The following GFRA1 variants were observed in gnomAD, a reference collection of about 807,000 sequenced individuals.
The protein encoded by GFRA1 is GDNF family receptor alpha-1.
A neutral mutation model predicts 51.6 loss-of-function variants in GFRA1; 16 were observed. That is an observed-to-expected ratio of 0.31 (90% CI 0.21 to 0.47). The LOEUF is 0.47. GFRA1 is among the 20% of genes least tolerant of loss of function. The pLI is 1.00. For missense variants in GFRA1, 530 were observed against 594.3 expected (o/e 0.89, Z 1.13); for synonymous variants, 270 against 241.3 (o/e 1.12, Z -1.10).
chr10:116,156,778 A>G (rs1959211460), intron 5 of GFRA1, among the ~76,000 whole-genome samples: 1 of 152,198 alleles, frequency 6.6e-6, no homozygotes, highest in African/African-American at 2.4e-5. Flanking sequence ...GGAAAACCCA[A>G]TTAGAGATGA....
chr10:116,271,150 G>C (rs1358519777), intron 2 of GFRA1, 35 bp from the exon 3 acceptor site: 1 of 1,568,122 alleles, frequency 6.4e-7, no homozygotes, highest in Non-Finnish European at 8.7e-7. Context: ...TGAGTGCGGC[G>C]GGCGGGGACC....
chr10:116,247,765 C>T (rs2134672925), intron 4 of GFRA1, among the ~76,000 whole-genome samples: 1 of 152,318 alleles, frequency 6.6e-6, no homozygotes, highest in Non-Finnish European at 1.5e-5. Context: ...CCCCTACCCT[C>T]CTCCTATTTA....
At chr10:116,101,702 C>T (rs1228708346) in intron 6 of GFRA1, among the ~76,000 whole-genome samples, 1 of 152,092 alleles carries the variant, frequency 6.6e-6, no homozygotes, top group African/African-American at 2.4e-5. Context: ...CAATTTAACC[C>T]ATCCTGGATT....
chr10:116,118,527 T>C (rs1957518798), intron 6 of GFRA1, among the ~76,000 whole-genome samples: 1 of 152,160 alleles, frequency 6.6e-6, no homozygotes. Context: ...TCTGCTTCAC[T>C]TCCCTGCTCC....
chr10:116,254,942 A>C (rs979791237), intron 4 of GFRA1, among the ~76,000 whole-genome samples: 4 of 152,208 alleles, frequency 2.6e-5, no homozygotes, highest in African/African-American at 9.7e-5. Flanking sequence ...CAGACAAAGA[A>C]GACTGAGATA....
Position 116,236,242 on chromosome 10 carries a change from G to A in GFRA1, c.419-24597C>T, listed in dbSNP as rs768181064. 1.6e-4 allele frequency among the ~76,000 whole-genome samples: 25 copies of A among 152,008 alleles called. 1 individual carries two copies. Among genetic ancestry groups the A allele is most frequent in the African/African-American group, 5.6e-4 (23 of 41,384 alleles). On this transcript the variant is annotated intron_variant, in intron 4 of 10. Transcript: ENST00000355422. Reference sequence around the variant, plus strand: ...GGACCTGCACTCCCTTCCATGCCTCGCCAGCTTTGCTCTGCCCAAATCACT... The same window carrying A: ...GGACCTGCACTCCCTTCCATGCCTCACCAGCTTTGCTCTGCCCAAATCACT...
At chr10:116,245,843 T>C (rs972600551) in intron 4 of GFRA1, among the ~76,000 whole-genome samples, 4 of 152,226 alleles carry the variant, frequency 2.6e-5, no homozygotes, top group African/African-American at 9.7e-5. Flanking sequence ...TGTAGGGTTC[T>C]ATGATTCCAA....
chr10:116,113,046 G>C (rs1394883316), intron 6 of GFRA1, among the ~76,000 whole-genome samples: 2 of 152,170 alleles, frequency 1.3e-5, no homozygotes, highest in East Asian at 3.8e-4. Flanking sequence ...AGGGAACCTC[G>C]TAGGGGGTCA....
chr10:116,152,079 A>C (rs904117991), intron 5 of GFRA1, among the ~76,000 whole-genome samples: 6 of 152,176 alleles, frequency 3.9e-5, no homozygotes, highest in African/African-American at 1.4e-4. Context: ...AGTGGTAGGA[A>C]ACCAGGTGGG....
intron 6 of GFRA1, among the ~76,000 whole-genome samples, chr10:116,103,812 C>T (rs1372111451): frequency 6.6e-6 from 1 of 152,228 alleles, no homozygotes; most frequent in East Asian, 1.9e-4. Context: ...CTCCCTCAGT[C>T]TGCTGTAACA....
intron 5 of GFRA1, among the ~76,000 whole-genome samples, chr10:116,160,036 T>C (rs1049986560): frequency 6.6e-6 from 1 of 152,260 alleles, no homozygotes; most frequent in African/African-American, 2.4e-5. Context: ...ACATTTTTCC[T>C]GGCCAACATA....
At chr10:116,266,121 A>G (rs908475897) in intron 4 of GFRA1, among the ~76,000 whole-genome samples, 1 of 152,194 alleles carries the variant, frequency 6.6e-6, no homozygotes, top group Non-Finnish European at 1.5e-5. Flanking sequence ...GCAAGCAAAC[A>G]ATGGCTAAAG....
intron 4 of GFRA1, among the ~76,000 whole-genome samples, chr10:116,267,118 GCGACAGATCAAGA>G (rs1170599993): frequency 6.6e-6 from 1 of 151,982 alleles, no homozygotes; most frequent in Non-Finnish European, 1.5e-5. Context: ...TCTAGCCTAG[GCGACAGATCAAGA>G]CCCTGTCTCT....
intron 6 of GFRA1, among the ~76,000 whole-genome samples, chr10:116,116,831 G>A (rs1296582397): frequency 1.3e-5 from 2 of 152,176 alleles, no homozygotes; most frequent in Non-Finnish European, 2.9e-5. Flanking sequence ...ACGATGCTAA[G>A]AGGCTCTTAT....
rs750672968 is a variant in GFRA1 at position 116,093,839 on chromosome 10, A to G, written c.881-3T>C. The G allele has an allele frequency of 1.2e-6, 2 of 1,613,980 alleles. No homozygotes were observed. The highest frequency in any genetic ancestry group is 1.7e-6 in the Non-Finnish European group (2 of 1,179,828). ...GTAGTTGGGGGTCATGACTGTGCCT[A>G]AAAGAATAAAAACAAGGCATTTTAT... On this transcript the variant is annotated splice_polypyrimidine_tract_variant and splice_region_variant and intron_variant, in intron 7 of 10. Transcript: ENST00000355422.
chr10:116,068,352 C>T (rs1170176388), intron 9 of GFRA1, among the ~76,000 whole-genome samples: 1 of 152,224 alleles, frequency 6.6e-6, no homozygotes, highest in South Asian at 2.1e-4. Context: ...TGGCACGGGC[C>T]ACTGTCAGCT....
intron 5 of GFRA1, among the ~76,000 whole-genome samples, chr10:116,201,001 G>A (rs980379223): frequency 6.6e-6 from 1 of 152,266 alleles, no homozygotes; most frequent in East Asian, 1.9e-4. Flanking sequence ...CAGTTTTATG[G>A]TATGCTCACA....
intron 6 of GFRA1, among the ~76,000 whole-genome samples, chr10:116,099,942 T>G (rs1956752334): frequency 6.6e-6 from 1 of 152,218 alleles, no homozygotes; most frequent in African/African-American, 2.4e-5. Flanking sequence ...ATTATCCTAA[T>G]TCTGTAGTCA....
rs747537109 is a variant in GFRA1, at chr10:116,064,411, G to T, written c.1385C>A (p.Thr462Lys). 6.2e-7 allele frequency: 1 copy of T among 1,612,390 alleles called. No individual in the cohort carries two copies. Among genetic ancestry groups the T allele is most frequent in the Non-Finnish European group, 8.5e-7 (1 of 1,179,670 alleles). Residue 462 changes from threonine to lysine, a missense_variant, in exon 11 of 11, where the codon ACA becomes AAA. Transcript: ENST00000355422. ...VTALSTLLSL[T>K]ETS ...TTTTTAATGCAGCTATGATGTTTCT[G>T]TTAAAGATAATAGGGTGGACAGAGC...
Sources: gnomAD v4.1 joint callset for allele counts (sites outside exome capture counted in the v4.1 genomes callset) on GRCh38, gnomAD v4.1.1 for gene constraint, MANE v1.5 for transcripts, NCBI Gene and HGNC (gene_info 2026-07-23, HGNC 2026-07-21) for gene names.